The following PTPRD variants were observed in gnomAD, a reference collection of about 807,000 sequenced individuals.
The protein encoded by PTPRD is receptor-type tyrosine-protein phosphatase delta.
PTPRD carries 34 observed loss-of-function variants against 214.5 expected under a neutral mutation model. That is an observed-to-expected ratio of 0.16 (90% CI 0.12 to 0.21). The LOEUF is 0.21. Ranked by LOEUF, PTPRD falls within the 10% of genes least tolerant of loss-of-function variation. The pLI, the probability that PTPRD is intolerant of heterozygous loss-of-function variation, is 1.00. For synonymous variants in PTPRD, 1,128 were observed against 845.7 expected, an observed-to-expected ratio of 1.33 and a Z score of -5.79; for missense variants, 2,545 against 2,398.7, an observed-to-expected ratio of 1.06 and a Z score of -1.27.
At chr9:10,182,152 C>T (rs1482598878) in intron 3 of PTPRD, among the ~76,000 whole-genome samples, 2 of 143,176 alleles carry the variant, frequency 1.4e-5, no homozygotes, top group Admixed American at 7.2e-5. Flanking sequence ...CCCAGCTATT[C>T]GGGAGGCTGA....
chr9:8,538,121 T>C (rs1387752696), intron 14 of PTPRD, among the ~76,000 whole-genome samples: 1 of 152,002 alleles, frequency 6.6e-6, no homozygotes, highest in Non-Finnish European at 1.5e-5. Context: ...AAATCCAATA[T>C]CCATCCACTT....
At chr9:10,221,683 G>T (rs182144463) in intron 3 of PTPRD, among the ~76,000 whole-genome samples, 2 of 151,880 alleles carry the variant, frequency 1.3e-5, no homozygotes, top group African/African-American at 4.8e-5. Flanking sequence ...TTTTTAAGAA[G>T]CATTAAGTAC....
intron 10 of PTPRD, among the ~76,000 whole-genome samples, chr9:9,124,379 T>C (rs962493247): frequency 1.3e-5 from 2 of 152,190 alleles, no homozygotes; most frequent in African/African-American, 2.4e-5. Flanking sequence ...TTTATCTAAA[T>C]AACTATCTTA....
At chr9:9,589,672 A>T (rs1251539203) in intron 7 of PTPRD, among the ~76,000 whole-genome samples, 1 of 152,068 alleles carries the variant, frequency 6.6e-6, no homozygotes, top group East Asian at 1.9e-4. Context: ...TAAAAATCTA[A>T]AATGCCATGG....
chr9:9,983,405 T>C (rs558536069), intron 4 of PTPRD, among the ~76,000 whole-genome samples: 2 of 152,268 alleles, frequency 1.3e-5, no homozygotes, highest in African/African-American at 2.4e-5. Context: ...TTCCAAAAGA[T>C]GGGAAAAACA....
intron 14 of PTPRD, among the ~76,000 whole-genome samples, chr9:8,566,464 T>G (rs2154219538): frequency 6.6e-6 from 1 of 152,274 alleles, no homozygotes; most frequent in East Asian, 1.9e-4. Flanking sequence ...CCCTCCTATT[T>G]TGATAATATC....
At chr9:8,779,409 G>A (rs760366911) in intron 11 of PTPRD, among the ~76,000 whole-genome samples, 10 of 152,076 alleles carry the variant, frequency 6.6e-5, no homozygotes, top group Non-Finnish European at 1.3e-4. Flanking sequence ...GGGCTGGGTG[G>A]GGCCGGGAGG....
chr9:10,169,857 G>C (rs1295215969), intron 3 of PTPRD, among the ~76,000 whole-genome samples: 2 of 152,250 alleles, frequency 1.3e-5, no homozygotes, highest in South Asian at 2.1e-4. Context: ...ATCCATGCTA[G>C]TATGCTCAAT....
At chr9:9,990,583 C>T (rs908661615) in intron 4 of PTPRD, among the ~76,000 whole-genome samples, 1 of 152,196 alleles carries the variant, frequency 6.6e-6, no homozygotes, top group African/African-American at 2.4e-5. Flanking sequence ...TCTCAGAGGC[C>T]CAGGCCCCTA....
intron 8 of PTPRD, among the ~76,000 whole-genome samples, chr9:9,469,387 G>T (rs187573175): frequency 1.2e-4 from 18 of 152,222 alleles, no homozygotes; most frequent in African/African-American, 4.1e-4. Flanking sequence ...GTTCCCCAGA[G>T]AACAGCCTTA....
At chr9:9,925,575 GTCT>G (rs1225410972) in intron 5 of PTPRD, among the ~76,000 whole-genome samples, 3 of 151,242 alleles carry the variant, frequency 2.0e-5, no homozygotes, top group Non-Finnish European at 4.4e-5. Context: ...AAATATAGTG[GTCT>G]TTTTTCAGTA....
intron 10 of PTPRD, among the ~76,000 whole-genome samples, chr9:9,116,843 C>T (rs1313744950): frequency 1.3e-5 from 2 of 152,010 alleles, no homozygotes; most frequent in Admixed American, 6.6e-5. Context: ...TAGTGCTTGC[C>T]ACAGTTTGTA....
At chr9:9,230,619 T>C (rs1249391039) in intron 9 of PTPRD, among the ~76,000 whole-genome samples, 2 of 152,086 alleles carry the variant, frequency 1.3e-5, no homozygotes, top group East Asian at 3.9e-4. Flanking sequence ...ATTTAGATGA[T>C]GTCAGAATTG....
chr9:9,890,697 G>T (rs1353385913), intron 5 of PTPRD, among the ~76,000 whole-genome samples: 1 of 151,966 alleles, frequency 6.6e-6, no homozygotes, highest in Non-Finnish European at 1.5e-5. Flanking sequence ...TGTGCAAAAG[G>T]TAGGGAAGCA....
At chr9:8,476,166 C>T (rs1014193340) in intron 30 of PTPRD, among the ~76,000 whole-genome samples, 2 of 152,062 alleles carry the variant, frequency 1.3e-5, no homozygotes, top group South Asian at 2.1e-4. Flanking sequence ...AATTTTTCCA[C>T]GGACAGGGTG....
At chr9:10,449,187 G>C (rs1310059026) in intron 2 of PTPRD, among the ~76,000 whole-genome samples, 1 of 151,980 alleles carries the variant, frequency 6.6e-6, no homozygotes, top group Non-Finnish European at 1.5e-5. Flanking sequence ...TTGCGGGCGG[G>C]TGCCGCCACG....
intron 5 of PTPRD, among the ~76,000 whole-genome samples, chr9:9,835,150 A>G (rs2056369319): frequency 6.6e-6 from 1 of 152,122 alleles, no homozygotes; most frequent in African/African-American, 2.4e-5. Flanking sequence ...TAAATTTAAT[A>G]CATAGTGTTA....
intron 9 of PTPRD, among the ~76,000 whole-genome samples, chr9:9,306,454 C>T (rs1430307134): frequency 6.7e-6 from 1 of 149,006 alleles, no homozygotes; most frequent in Non-Finnish European, 1.5e-5. Flanking sequence ...GTCCCAGCTA[C>T]TTGGGAGGCT....
intron 12 of PTPRD, among the ~76,000 whole-genome samples, chr9:8,715,382 C>T (rs961682277): frequency 2.0e-5 from 3 of 152,180 alleles, no homozygotes; most frequent in African/African-American, 7.2e-5. Context: ...TGCACAGACC[C>T]TACCTGTTCC....
Sources: allele counts gnomAD v4.1 joint callset (sites outside exome capture counted in the v4.1 genomes callset), GRCh38; gene constraint gnomAD v4.1.1; transcripts MANE v1.5; gene names NCBI Gene and HGNC (gene_info 2026-07-23, HGNC 2026-07-21).